Variants in SIPA1L2 observed in about 807,000 individuals in gnomAD.
SIPA1L2 encodes signal-induced proliferation-associated 1-like protein 2.
A neutral mutation model predicts 163.9 loss-of-function variants in SIPA1L2; 56 were observed. The ratio of observed to expected loss-of-function variants is 0.34; its 90% CI spans 0.28 to 0.43. The LOEUF (loss-of-function observed/expected upper bound fraction) is 0.43. Among genes scored for constraint, SIPA1L2 ranks in the 20% least tolerant of loss-of-function variants. The pLI is 1.00. For missense variants in SIPA1L2, 1,974 were observed against 2,193.5 expected (o/e 0.90, Z 2.00); for synonymous variants, 877 against 865.7 (o/e 1.01, Z -0.23).
intron 3 of SIPA1L2, among the ~76,000 whole-genome samples, chr1:232,494,240 T>C (rs984343970): frequency 6.6e-6 from 1 of 152,182 alleles, no homozygotes; most frequent in African/African-American, 2.4e-5. Flanking sequence ...ACACAAAAGG[T>C]CAGTTAGTTT....
intron 5 of SIPA1L2, 87 bp downstream of exon 5, chr1:232,490,787 T>G: frequency 7.4e-7 from 1 of 1,348,412 alleles, no homozygotes; most frequent in East Asian, 2.3e-5. Flanking sequence ...TAAATGATCT[T>G]ACAAGAAAGA....
At chr1:232,525,151 C>T (rs1184341652) in intron 2 of SIPA1L2, among the ~76,000 whole-genome samples, 3 of 147,756 alleles carry the variant, frequency 2.0e-5, no homozygotes, top group South Asian at 2.1e-4. Context: ...ATTAATTTAA[C>T]GTTTTTTTTT....
At chr1:232,460,781 A>G in intron 10 of SIPA1L2, 106 bp downstream of exon 10, 1 of 1,357,716 alleles carries the variant, frequency 7.4e-7, no homozygotes, top group Non-Finnish European at 1.0e-6. Flanking sequence ...CTGTACAAAG[A>G]CACACTTGAC....
chr1:232,472,763 G>A (rs1206908570), intron 7 of SIPA1L2, among the ~76,000 whole-genome samples: 1 of 152,150 alleles, frequency 6.6e-6, no homozygotes, highest in Non-Finnish European at 1.5e-5. Flanking sequence ...CACCTACAGC[G>A]CATATTCCAA....
intron 1 of SIPA1L2, among the ~76,000 whole-genome samples, chr1:232,607,688 C>T (rs185536174): frequency 3.6e-4 from 55 of 151,482 alleles, no homozygotes; most frequent in Middle Eastern, 3.4e-3. Flanking sequence ...TGTTCAAAGT[C>T]TTCAGGCACA....
chr1:232,464,641 G>C (rs1664412013), intron 9 of SIPA1L2, among the ~76,000 whole-genome samples, 199 bp downstream of exon 9: 1 of 152,182 alleles, frequency 6.6e-6, no homozygotes, highest in Admixed American at 6.5e-5. Context: ...ATTGATTTAT[G>C]ATGGTTGCTT....
intron 7 of SIPA1L2, among the ~76,000 whole-genome samples, chr1:232,476,000 T>C (rs1350297672): frequency 6.6e-6 from 1 of 152,194 alleles, no homozygotes; most frequent in Non-Finnish European, 1.5e-5. Flanking sequence ...TAAGTAAGCA[T>C]TTTATCCTTC....
At chr1:232,507,731 A>C (rs1259036672) in intron 3 of SIPA1L2, among the ~76,000 whole-genome samples, 1 of 152,218 alleles carries the variant, frequency 6.6e-6, no homozygotes, top group African/African-American at 2.4e-5. Context: ...TCATTAACTT[A>C]TCTGCCCAGA....
intron 1 of SIPA1L2, among the ~76,000 whole-genome samples, chr1:232,608,056 A>ACAAAAC (rs1219957317): frequency 6.7e-6 from 1 of 150,094 alleles, no homozygotes; most frequent in African/African-American, 2.5e-5. Context: ...TCAAAAAAAA[A>ACAAAAC]AAAAAAAAAA....
chr1:232,584,453 C>T (rs1319976619), intron 1 of SIPA1L2, among the ~76,000 whole-genome samples: 2 of 152,154 alleles, frequency 1.3e-5, no homozygotes, highest in Non-Finnish European at 2.9e-5. Context: ...TCGATAGAGA[C>T]CGTGTGATCT....
chr1:232,596,274 T>A (rs1248755395), intron 1 of SIPA1L2, among the ~76,000 whole-genome samples: 4 of 152,202 alleles, frequency 2.6e-5, no homozygotes, highest in Non-Finnish European at 4.4e-5. Context: ...TTTTCCCTCA[T>A]GAAACAACAC....
chr1:232,433,392 C>T lies in SIPA1L2; in HGVS notation c.4032-921G>A, dbSNP rs372419967. Among the ~76,000 whole-genome samples, 24 of 152,192 alleles carry T rather than the reference C, an allele frequency of 1.6e-4. No homozygotes were observed. The South Asian group carries it at 3.5e-3, about 22-fold the overall frequency. ...AAAGAAAATGAGGGGATGATTATCACAAAAGCCAGGTTAGTGGCTACCTCA... is the reference window on the plus strand; with the variant it reads ...AAAGAAAATGAGGGGATGATTATCATAAAAGCCAGGTTAGTGGCTACCTCA... On this transcript the variant is annotated intron_variant, in intron 15 of 22. Transcript: ENST00000674635.
chr1:232,563,114 C>A (rs1659141310), intron 2 of SIPA1L2, among the ~76,000 whole-genome samples: 1 of 152,166 alleles, frequency 6.6e-6, no homozygotes, highest in Admixed American at 6.5e-5. Flanking sequence ...ACAGCAGCCT[C>A]AGAAGGTTCA....
intron 2 of SIPA1L2, among the ~76,000 whole-genome samples, chr1:232,572,008 C>T (rs544421122): frequency 2.4e-4 from 36 of 152,304 alleles, no homozygotes; most frequent in Non-Finnish European, 4.0e-4. Flanking sequence ...CTATTGTATA[C>T]GGTAGCATAT....
intron 10 of SIPA1L2, among the ~76,000 whole-genome samples, chr1:232,457,250 C>T (rs1663972021): frequency 6.6e-6 from 1 of 152,206 alleles, no homozygotes; most frequent in Non-Finnish European, 1.5e-5. Flanking sequence ...GAAAAACTGT[C>T]TATTAAATGA....
In SIPA1L2 at chr1:232,441,359, C is replaced by T; in HGVS notation, c.3574G>A (p.Gly1192Ser). Residue 1192 changes from glycine (G) to serine (S), a missense_variant, in exon 14 of 23, where the codon GGT becomes AGT. By Grantham distance (56) the Gly-to-Ser change is moderately conservative. This residue lies in a region of SIPA1L2 where 1,079 missense variants were observed against 1,150.7 expected (regional missense o/e 0.94). Transcript: ENST00000674635. Reference protein sequence around the residue: ...KWHGPPSKVLGSYKERALQKD... With the variant: ...KWHGPPSKVLSSYKERALQKD... Reference sequence around the variant, plus strand: ...TGCAGAGCTCTTTCTTTATAGGAACCCAGGACTTTGGAAGGTGGGCCATGC... The same window carrying T: ...TGCAGAGCTCTTTCTTTATAGGAACTCAGGACTTTGGAAGGTGGGCCATGC... 1 of 1,597,446 alleles carries T rather than the reference C, an allele frequency of 6.3e-7. No homozygotes were observed. Among genetic ancestry groups the T allele is most frequent in the African/African-American group, 1.4e-5 (1 of 73,478 alleles).
intron 11 of SIPA1L2, among the ~76,000 whole-genome samples, chr1:232,445,098 G>A (rs1663134714): frequency 6.6e-6 from 1 of 152,198 alleles, no homozygotes; most frequent in African/African-American, 2.4e-5. Flanking sequence ...AAAGCAAAGA[G>A]GAAGTCTTAA....
At chr1:232,626,742 A>T (rs1663097511) in intron 1 of SIPA1L2, among the ~76,000 whole-genome samples, 1 of 152,218 alleles carries the variant, frequency 6.6e-6, no homozygotes, top group Non-Finnish European at 1.5e-5. Context: ...AGGCAAAGAA[A>T]TGACATAATC....
At chr1:232,413,831 C>A (rs1661091707) in intron 19 of SIPA1L2, among the ~76,000 whole-genome samples, 1 of 152,192 alleles carries the variant, frequency 6.6e-6, no homozygotes, top group Non-Finnish European at 1.5e-5. Flanking sequence ...GATCTTATCT[C>A]TGGTCTAATC....
Sources: gnomAD v4.1 joint callset for allele counts (sites outside exome capture counted in the v4.1 genomes callset) on GRCh38, gnomAD v4.1.1 for gene constraint, gnomAD v4.1.1 regional missense constraint, MANE v1.5 for transcripts, NCBI Gene and HGNC (gene_info 2026-07-23, HGNC 2026-07-21) for gene names.